CBFA2T2: variants seen among roughly 807,000 people sequenced by gnomAD.
CBFA2T2 encodes the protein protein CBFA2T2.
In CBFA2T2, 11 loss-of-function variants were observed where a neutral mutation model predicts 62.2. That is an observed-to-expected ratio of 0.18 (90% confidence interval 0.11 to 0.29). The LOEUF is 0.29. CBFA2T2 is among the 10% of genes least tolerant of loss of function. The pLI is 1.00. For missense variants in CBFA2T2, 592 were observed against 774.1 expected, an observed-to-expected ratio of 0.76 and a Z score of 2.79; for synonymous variants, 295 against 287.5, an observed-to-expected ratio of 1.03 and a Z score of -0.27.
chr20:33,632,030 TTTTG>T lies in CBFA2T2; in HGVS notation c.1228+2131_1228+2134del, dbSNP rs369700333. ...AAAGTCTTACTGTGAAATTAGTTCTTTTTGTTTGTTTGTTTGTTCGTTTTTGTTT... is the reference window on the plus strand; with the variant it reads ...AAAGTCTTACTGTGAAATTAGTTCTTTTTGTTTGTTTGTTCGTTTTTGTTT... On this transcript the variant is annotated intron_variant, in intron 8 of 10. Coordinates refer to ENST00000342704, the MANE Select transcript of CBFA2T2 (RefSeq NM_001032999.3). Among the ~76,000 whole-genome samples, 67 of 152,154 alleles carry T rather than the reference TTTTG, an allele frequency of 4.4e-4. 1 individual carries two copies. Among genetic ancestry groups the T allele is most frequent in the African/African-American group, 1.0e-3 (42 of 41,534 alleles).
At chr20:33,558,319 A>G (rs959386987) in intron 1 of CBFA2T2, among the ~76,000 whole-genome samples, 2 of 151,958 alleles carry the variant, frequency 1.3e-5, no homozygotes, top group African/African-American at 4.8e-5. Context: ...TTTAGTAGAG[A>G]TGAGGCTTCA....
At chr20:33,507,300 T>G (rs2011419846) in intron 1 of CBFA2T2, among the ~76,000 whole-genome samples, 1 of 152,174 alleles carries the variant, frequency 6.6e-6, no homozygotes, top group African/African-American at 2.4e-5. Context: ...TAAGGGAGAT[T>G]GATAGCTTCA....
chr20:33,570,666 T>G (rs2013526009), intron 1 of CBFA2T2, among the ~76,000 whole-genome samples: 1 of 152,214 alleles, frequency 6.6e-6, no homozygotes, highest in South Asian at 2.1e-4. Flanking sequence ...TTCTGGTACT[T>G]AGGAAGAATG....
intron 1 of CBFA2T2, among the ~76,000 whole-genome samples, chr20:33,494,267 ATATATATTTTTTTTT>A (rs1332587972): frequency 2.3e-4 from 10 of 44,224 alleles, no homozygotes; most frequent in South Asian, 2.2e-3. Flanking sequence ...ATATATATAT[ATATATATTTTTTTTT>A]TTTTTTTTTT....
chr20:33,492,950 C>T (rs974633482), intron 1 of CBFA2T2, among the ~76,000 whole-genome samples: 1 of 151,240 alleles, frequency 6.6e-6, no homozygotes, highest in Admixed American at 6.6e-5. Flanking sequence ...TTTGTAGAGA[C>T]GGGGTTTAAC....
At chr20:33,534,324 T>TTTTG (rs3051488) in intron 1 of CBFA2T2, among the ~76,000 whole-genome samples, 18,772 of 151,914 alleles carry the variant, frequency 0.12, 3,231 homozygotes, top group African/African-American at 0.37. Context: ...CTGTTGAGGT[T>TTTTG]TTTGTTTGTT....
chr20:33,539,848 G>A (rs1173420963), intron 1 of CBFA2T2, among the ~76,000 whole-genome samples: 12 of 151,788 alleles, frequency 7.9e-5, no homozygotes, highest in Admixed American at 7.9e-4. Context: ...CACCATGCCT[G>A]GATAATTTTT....
intron 1 of CBFA2T2, among the ~76,000 whole-genome samples, chr20:33,494,271 ATATTTTTTTT>A (rs2011175600): frequency 9.5e-5 from 2 of 21,072 alleles, no homozygotes; most frequent in South Asian, 3.2e-3. Flanking sequence ...ATATATATAT[ATATTTTTTTT>A]TTTTTTTTTT....
rs539803787 is a variant in CBFA2T2 at position 33,615,205 on chromosome 20, C to T, written c.420+3870C>T. ...CACATAATTTAGTAGCTGGAGTTAT[C>T]CATCTGCATTCTGTGTCCATGGTGT... is the stretch of plus-strand genomic sequence containing the variant. On this transcript the variant is annotated intron_variant, in intron 3 of 10. Coordinates refer to ENST00000342704, the MANE Select transcript of CBFA2T2 (RefSeq NM_001032999.3). Among the ~76,000 whole-genome samples the T allele has an allele frequency of 7.9e-5, 12 of 152,214 alleles. No homozygotes were observed. The East Asian group carries it at 1.9e-3, about 25-fold the overall frequency.
chr20:33,555,890 G>A (rs531354707), intron 1 of CBFA2T2, among the ~76,000 whole-genome samples: 1 of 152,208 alleles, frequency 6.6e-6, no homozygotes, highest in South Asian at 2.1e-4. Flanking sequence ...CTTAGAGACA[G>A]GGTCTCATTC....
intron 1 of CBFA2T2, among the ~76,000 whole-genome samples, chr20:33,561,835 T>C (rs1393021624): frequency 6.6e-6 from 1 of 152,246 alleles, no homozygotes; most frequent in East Asian, 1.9e-4. Context: ...CATTGTCTTA[T>C]TTTAATCACG....
At chr20:33,551,605 A>C (rs1301075972) in intron 1 of CBFA2T2, among the ~76,000 whole-genome samples, 2 of 151,908 alleles carry the variant, frequency 1.3e-5, no homozygotes, top group Non-Finnish European at 2.9e-5. Context: ...ATCTCAGCTC[A>C]TTGCAACCTC....
chr20:33,592,048 G>A (rs1178040387), intron 1 of CBFA2T2, among the ~76,000 whole-genome samples: 1 of 152,068 alleles, frequency 6.6e-6, no homozygotes, highest in African/African-American at 2.4e-5. Context: ...TTGATAACAA[G>A]TGTTAGTTGA....
intron 1 of CBFA2T2, among the ~76,000 whole-genome samples, 173 bp from the exon 2 acceptor site, chr20:33,606,783 C>G (rs1285803925): frequency 6.6e-6 from 1 of 152,138 alleles, no homozygotes; most frequent in East Asian, 1.9e-4. Flanking sequence ...TTTGCCAAAT[C>G]AGGTAACATT....
In CBFA2T2 at chr20:33,644,485, C is replaced by T. The variant is rs772120890; in HGVS notation, c.1627C>T (p.Pro543Ser). The stretch of plus-strand genomic sequence containing the variant: ...TGGTCAGAACCTGCATGGCCAGAGC[C>T]CCCACGGCCAGGGCCGGCCGCTGCT... ...LCGQNLHGQSPHGQGRPLLPV... is the reference protein window; with the variant it reads ...LCGQNLHGQSSHGQGRPLLPV... Residue 543 changes from proline to serine, a missense_variant, in exon 11 of 11, where the codon CCC becomes TCC. Physicochemically the swap from Pro to Ser is moderately conservative, Grantham distance 74 (BLOSUM62 -1). This residue lies in a region of CBFA2T2 where 85 missense variants were observed against 99.0 expected (regional missense o/e 0.86). Coordinates refer to ENST00000342704, the MANE Select transcript of CBFA2T2 (RefSeq NM_001032999.3). 4 of 1,614,082 alleles carry T rather than the reference C, an allele frequency of 2.5e-6. No individual in the cohort carries two copies. The highest frequency in any genetic ancestry group is 2.2e-5 in the East Asian group (1 of 44,898).
chr20:33,553,136 T>C (rs2012784479), intron 1 of CBFA2T2, among the ~76,000 whole-genome samples: 1 of 152,238 alleles, frequency 6.6e-6, no homozygotes, highest in Non-Finnish European at 1.5e-5. Context: ...TTCTTTACTG[T>C]GTCTCCTGCA....
At chr20:33,500,736 TA>T (rs1167933535) in intron 1 of CBFA2T2, among the ~76,000 whole-genome samples, 1 of 151,878 alleles carries the variant, frequency 6.6e-6, no homozygotes, top group East Asian at 1.9e-4. Flanking sequence ...TTTAAAAATT[TA>T]AAAAAGTCCA....
Position 33,555,660 on chromosome 20 carries a change from C to G in CBFA2T2, c.35-51296C>G, listed in dbSNP as rs145329937. On this transcript the variant is annotated intron_variant, in intron 1 of 10. Transcript: ENST00000342704. The stretch of plus-strand genomic sequence containing the variant: ...AAAGGCATTTTCTTACATAACCACA[C>G]ATAACCACAGTACAATTATCAAAAT... Among the ~76,000 whole-genome samples the G allele has an allele frequency of 4.6e-3, 694 of 152,300 alleles. 2 individuals carry two copies. Among genetic ancestry groups the G allele is most frequent in the Middle Eastern group, 0.017 (5 of 294 alleles).
At chr20:33,620,014 C>T (rs575819757) in intron 4 of CBFA2T2, among the ~76,000 whole-genome samples, 31 of 152,284 alleles carry the variant, frequency 2.0e-4, no homozygotes, top group Non-Finnish European at 3.7e-4. Flanking sequence ...TTTAGACTTA[C>T]TCTAAGGTCA....
Sources: allele counts gnomAD v4.1 joint callset (sites outside exome capture counted in the v4.1 genomes callset), GRCh38; gene constraint gnomAD v4.1.1; regional missense constraint gnomAD v4.1.1; transcripts MANE v1.5; gene names NCBI Gene and HGNC (gene_info 2026-07-23, HGNC 2026-07-21).